The following CSMD2 variants were observed in gnomAD, a reference collection of about 807,000 sequenced individuals.
The protein encoded by CSMD2 is CUB and Sushi multiple domains 2, also known as CUB and sushi domain-containing protein 2.
CSMD2 carries 130 observed loss-of-function variants against 398.5 expected under a neutral mutation model. The ratio of observed to expected loss-of-function variants is 0.33; its 90% CI spans 0.28 to 0.38. The LOEUF (loss-of-function observed/expected upper bound fraction) is 0.38. Ranked by LOEUF, CSMD2 falls within the 10% of genes least tolerant of loss-of-function variation. The pLI is 1.00. For synonymous variants in CSMD2, 1,828 were observed against 1,908.5 expected, an observed-to-expected ratio of 0.96 and a Z score of 1.10; for missense variants, 3,829 against 4,764.9, an observed-to-expected ratio of 0.80 and a Z score of 5.78.
At chr1:33,590,022 G>GA (rs201353931) in intron 44 of CSMD2, among the ~76,000 whole-genome samples, 300 of 149,158 alleles carry the variant, frequency 2.0e-3, no homozygotes, top group African/African-American at 6.5e-3. Flanking sequence ...ACTTTTCCAG[G>GA]AAAAAAAAAT....
At chr1:33,700,010 A>T (rs1164370623) in intron 23 of CSMD2, among the ~76,000 whole-genome samples, 22 of 148,462 alleles carry the variant, frequency 1.5e-4, no homozygotes, top group Admixed American at 2.0e-4. Flanking sequence ...ACTTTACTCC[A>T]TTTTTTTTTT....
At chr1:33,864,607 A>G in intron 5 of CSMD2, 1 of 1,614,048 alleles carries the variant, frequency 6.2e-7, no homozygotes. Context: ...GACCTGGAGA[A>G]GCACCCTTAT....
chr1:33,645,586 T>C (rs930834652), intron 29 of CSMD2, among the ~76,000 whole-genome samples: 1 of 152,108 alleles, frequency 6.6e-6, no homozygotes, highest in Non-Finnish European at 1.5e-5. Context: ...CAAAAAGAGA[T>C]AATAGCGTAG....
chr1:33,901,535 G>C (rs1456638841), intron 5 of CSMD2, among the ~76,000 whole-genome samples: 2 of 152,218 alleles, frequency 1.3e-5, no homozygotes. Flanking sequence ...GGGTTGCCCA[G>C]TGTGGGTGGG....
chr1:33,586,171 C>G (rs530992000), intron 46 of CSMD2, among the ~76,000 whole-genome samples: 3 of 152,184 alleles, frequency 2.0e-5, no homozygotes, highest in African/African-American at 7.2e-5. Flanking sequence ...TGTGAGCCCA[C>G]GCCCACACCA....
intron 25 of CSMD2, among the ~76,000 whole-genome samples, chr1:33,676,522 T>C (rs1164613673): frequency 6.6e-6 from 1 of 152,150 alleles, no homozygotes; most frequent in Admixed American, 6.5e-5. Context: ...ATTGTGAAAA[T>C]GGCCATACTG....
At position 33,698,983 on chromosome 1, in the gene CSMD2, T is replaced by C. The variant is rs1308414755; in HGVS notation, c.3734-39A>G. The C allele has an allele frequency of 4.5e-6, 7 of 1,549,330 alleles. No homozygotes were observed. The Admixed American group carries it at 8.9e-5, about 20-fold the overall frequency. ...AAGAGGTAGAGTGAGTAAGACCTATTGTGGCAGAAACCATGCTTCCTCTCT... is the reference window on the plus strand; with the variant it reads ...AAGAGGTAGAGTGAGTAAGACCTATCGTGGCAGAAACCATGCTTCCTCTCT... On this transcript the variant is annotated intron_variant, in intron 23 of 70. Transcript: ENST00000373381.
At chr1:33,818,436 A>G (rs1330178595) in intron 9 of CSMD2, among the ~76,000 whole-genome samples, 1 of 152,178 alleles carries the variant, frequency 6.6e-6, no homozygotes, top group African/African-American at 2.4e-5. Flanking sequence ...TTCAATTCAT[A>G]AACTGCTTAC....
intron 13 of CSMD2, among the ~76,000 whole-genome samples, chr1:33,755,440 T>C (rs549286794): frequency 1.2e-4 from 18 of 152,318 alleles, no homozygotes; most frequent in African/African-American, 4.1e-4. Flanking sequence ...ATCCTTATCA[T>C]AAACAAGATT....
At chr1:33,731,339 T>C (rs1025439418) in intron 15 of CSMD2, among the ~76,000 whole-genome samples, 1 of 152,204 alleles carries the variant, frequency 6.6e-6, no homozygotes, top group Non-Finnish European at 1.5e-5. Context: ...TACCATTTTG[T>C]AATTCCTAGG....
intron 3 of CSMD2, among the ~76,000 whole-genome samples, chr1:34,011,892 C>G (rs1647386985): frequency 6.6e-6 from 1 of 152,148 alleles, no homozygotes; most frequent in South Asian, 2.1e-4. Context: ...TTCCCAGCCT[C>G]TGGTAACCCA....
At chr1:33,837,475 C>A (rs1426328407) in intron 6 of CSMD2, among the ~76,000 whole-genome samples, 1 of 107,400 alleles carries the variant, frequency 9.3e-6, no homozygotes, top group African/African-American at 3.9e-5. Context: ...TTTTTACTAT[C>A]AATGCAGTGG....
At chr1:33,558,267 G>T (rs915107) in intron 54 of CSMD2, among the ~76,000 whole-genome samples, 28 of 152,198 alleles carry the variant, frequency 1.8e-4, no homozygotes, top group Non-Finnish European at 2.9e-4. Flanking sequence ...ATATCTGATC[G>T]TAGCACAATG....
Position 33,663,054 on chromosome 1 carries a change from T to A in CSMD2, c.4091A>T (p.Asp1364Val). Residue 1364 changes from aspartate (D) to valine (V), a missense_variant, in exon 26 of 71, where the codon GAC (aspartate) becomes GTC (valine). This residue lies in a region of CSMD2 where 2,001 missense variants were observed against 2,567.1 expected (regional missense o/e 0.78). Coordinates refer to ENST00000373381, the MANE Select transcript of CSMD2 (RefSeq NM_001281956.2). ...AGGCCCATCCCAGATGCGCAGCACG[T>A]CGTGAACCTCCTCTGTGTCAAACAC... ...FLVFDTEEVH[D>V]VLRIWDGPVE... is the part of the protein sequence containing the mutation. 1 of 1,614,038 alleles carries A rather than the reference T, an allele frequency of 6.2e-7. No individual in the cohort carries two copies. The highest frequency in any genetic ancestry group is 8.5e-7 in the Non-Finnish European group (1 of 1,179,962).
At chr1:33,701,311 C>T (rs1374850055) in intron 22 of CSMD2, among the ~76,000 whole-genome samples, 3 of 152,216 alleles carry the variant, frequency 2.0e-5, no homozygotes, top group African/African-American at 4.8e-5. Context: ...AGGGTGGAAT[C>T]GTACAGGCAT....
intron 3 of CSMD2, among the ~76,000 whole-genome samples, chr1:33,949,449 C>T (rs115664343): frequency 0.016 from 2,471 of 152,312 alleles, 28 homozygotes; most frequent in Middle Eastern, 0.031. Context: ...AGGGAGCGGT[C>T]TGTTGCTTTG....
chr1:33,546,145 C>T lies in CSMD2; in HGVS notation c.8992G>A (p.Gly2998Ser). The change falls in exon 57 of 71, where the codon GGC becomes AGC. Residue 2998 changes from glycine (G) to serine (S), a missense_variant. Coordinates refer to ENST00000373381, the MANE Select transcript of CSMD2 (RefSeq NM_001281956.2). ...TCACAGCTGAAGCGCATCACAGTGC[C>T]TGGATCAAAGCTGTCCCCCAAACGG... ...GIRLGDSFDPGTVMRFSCEAG... is the reference protein window; with the variant it reads ...GIRLGDSFDPSTVMRFSCEAG... 1 of 1,614,212 alleles carries T rather than the reference C, an allele frequency of 6.2e-7. No homozygotes were observed. Among genetic ancestry groups the T allele is most frequent in the Non-Finnish European group, 8.5e-7 (1 of 1,180,036 alleles).
chr1:34,063,602 G>A lies in CSMD2; in HGVS notation c.404+25375C>T, dbSNP rs149615516. ...GATTCCCATAGTCTTGGGCAGCTCC[G>A]GCCTGTGGCTTTGCAGGGTATAGCC... On this transcript the variant is annotated intron_variant, in intron 2 of 70. Transcript: ENST00000373381. 6.5e-3 allele frequency among the ~76,000 whole-genome samples: 986 copies of A among 152,278 alleles called. 12 individuals are homozygous for A. The highest frequency in any genetic ancestry group is 0.023 in the African/African-American group (940 of 41,556).
At chr1:33,536,555 G>C (rs1417905065) in intron 62 of CSMD2, among the ~76,000 whole-genome samples, 1 of 152,158 alleles carries the variant, frequency 6.6e-6, no homozygotes, top group African/African-American at 2.4e-5. Flanking sequence ...TCACAACCCA[G>C]ACTGTCCAGG....
Sources: allele counts gnomAD v4.1 joint callset (sites outside exome capture counted in the v4.1 genomes callset), GRCh38; gene constraint gnomAD v4.1.1; regional missense constraint gnomAD v4.1.1; transcripts MANE v1.5; gene names NCBI Gene and HGNC (gene_info 2026-07-23, HGNC 2026-07-21).